WAC: variants seen among roughly 807,000 people sequenced by gnomAD.
WAC encodes the protein WW domain containing adaptor with coiled-coil.
WAC carries 11 observed loss-of-function variants against 79.6 expected under a neutral mutation model. The observed-to-expected ratio is 0.14, with a 90% CI of 0.09 to 0.23. The LOEUF is 0.23. Among genes scored for constraint, WAC ranks in the 10% least tolerant of loss-of-function variants. The pLI is 1.00. For missense variants in WAC, 728 were observed against 773.5 expected, an observed-to-expected ratio of 0.94 and a Z score of 0.70; for synonymous variants, 304 against 276.9, an observed-to-expected ratio of 1.10 and a Z score of -0.97.
chr10:28,560,377 T>TG (rs1262851821), intron 3 of WAC, among the ~76,000 whole-genome samples: 1 of 151,928 alleles, frequency 6.6e-6, no homozygotes, highest in Non-Finnish European at 1.5e-5. Flanking sequence ...GGAGTGTGTG[T>TG]GGGGGGCACG....
chr10:28,604,839 G>C (rs570648643), intron 7 of WAC, among the ~76,000 whole-genome samples: 8 of 152,086 alleles, frequency 5.3e-5, no homozygotes, highest in Non-Finnish European at 1.2e-4. Flanking sequence ...TTTGTGTAAG[G>C]GCACTCCAAA....
chr10:28,594,968 G>A lies in WAC; in HGVS notation c.611-765G>A, dbSNP rs1175620079. On this transcript the variant is annotated intron_variant, in intron 6 of 13. Coordinates refer to ENST00000354911, the MANE Select transcript of WAC (RefSeq NM_016628.5). ...ATTTTGAACTGTTTTCAGTATTTCT[G>A]AGCTTAAAGTATTTTTGTGGCTTTA... 2.0e-5 allele frequency among the ~76,000 whole-genome samples: 3 copies of A among 152,248 alleles called. No homozygotes were observed. In the East Asian group the frequency reaches 5.8e-4, roughly 29 times the overall value.
intron 3 of WAC, among the ~76,000 whole-genome samples, chr10:28,582,072 T>G (rs766405864): frequency 1.3e-5 from 2 of 152,222 alleles, no homozygotes; most frequent in African/African-American, 2.4e-5. Flanking sequence ...TAATTCTCTT[T>G]GATCTTTTGT....
Position 28,621,845 on chromosome 10 carries a change from GAGA to G in WAC, c.*2243_*2245del, listed in dbSNP as rs1841704090. ...AAATGAATTAGTCACATATATTTAG[GAGA>G]AGATGCCTAATTTGGTATTTCTTAA... On this transcript the variant is annotated 3_prime_UTR_variant, in exon 14 of 14. Transcript: ENST00000354911. 2 of 152,112 alleles carry G rather than the reference GAGA, an allele frequency of 1.3e-5. No individual in the cohort carries two copies. Among genetic ancestry groups the G allele is most frequent in the African/African-American group, 4.8e-5 (2 of 41,412 alleles). 9.4% of individuals were successfully genotyped at this position (152,112 alleles called of 1,614,324 possible).
At chr10:28,565,839 T>C (rs1353726252) in intron 3 of WAC, among the ~76,000 whole-genome samples, 2 of 152,254 alleles carry the variant, frequency 1.3e-5, no homozygotes, top group Non-Finnish European at 1.5e-5. Flanking sequence ...TTGTTTAATG[T>C]ATTTAAGGTA....
chr10:28,539,040 A>G (rs1017305284), intron 3 of WAC, among the ~76,000 whole-genome samples: 3 of 152,086 alleles, frequency 2.0e-5, no homozygotes, highest in Admixed American at 6.5e-5. Flanking sequence ...CCAGTTTTTC[A>G]TTTTAAGATT....
In WAC at chr10:28,556,646, G is replaced by A. The variant is rs550204773; in HGVS notation, c.274+20889G>A. Among the ~76,000 whole-genome samples the A allele has an allele frequency of 5.9e-5, 9 of 151,968 alleles. No individual in the cohort carries two copies. In the South Asian group the frequency reaches 1.9e-3, roughly 32 times the overall value. On this transcript the variant is annotated intron_variant, in intron 3 of 13. Transcript: ENST00000354911. ...AATTATTGCCAAGACCAAAGTCAAAGAGCTGTTTTGTCCCCTATGTTTTCT... is the reference window on the plus strand; with the variant it reads ...AATTATTGCCAAGACCAAAGTCAAAAAGCTGTTTTGTCCCCTATGTTTTCT...
At chr10:28,595,043 C>A (rs182187629) in intron 6 of WAC, among the ~76,000 whole-genome samples, 9 of 152,268 alleles carry the variant, frequency 5.9e-5, no homozygotes, top group Non-Finnish European at 1.2e-4. Context: ...GTAGATTGTT[C>A]TGACTATGCT....
chr10:28,605,082 G>T (rs960066890), intron 7 of WAC, among the ~76,000 whole-genome samples: 1 of 152,124 alleles, frequency 6.6e-6, no homozygotes. Flanking sequence ...TGAGAGAGTG[G>T]AGCAATAAAA....
intron 3 of WAC, among the ~76,000 whole-genome samples, chr10:28,561,603 G>A (rs1227083534): frequency 2.0e-5 from 3 of 151,974 alleles, no homozygotes; most frequent in Non-Finnish European, 4.4e-5. Flanking sequence ...AAGTTTTTTC[G>A]CTAGGTGGGA....
chr10:28,570,219 G>A (rs1393528330), intron 3 of WAC, among the ~76,000 whole-genome samples: 1 of 151,954 alleles, frequency 6.6e-6, no homozygotes, highest in Non-Finnish European at 1.5e-5. Context: ...ATTTTATTTT[G>A]TACAGATAAT....
chr10:28,533,521 G>T lies in WAC; in HGVS notation c.-59G>T, dbSNP rs918171069. 3.4e-6 allele frequency: 4 copies of T among 1,168,292 alleles called. No individual in the cohort carries two copies. Among genetic ancestry groups the T allele is most frequent in the South Asian group, 2.2e-5 (1 of 45,308 alleles). 72.4% of individuals were successfully genotyped at this position (1,168,292 alleles called of 1,614,324 possible). On this transcript the variant is annotated 5_prime_UTR_variant, in exon 1 of 14. Transcript: ENST00000354911. ...CGCCGCCGCCGCCGCCTGCGCGCCCGCCCGCCTTTCGCGGCCGCTCTCCCC... is the reference window on the plus strand; with the variant it reads ...CGCCGCCGCCGCCGCCTGCGCGCCCTCCCGCCTTTCGCGGCCGCTCTCCCC...
chr10:28,547,915 C>CTTTTTTTTTTTTTTTTTTTTTTTTTTTTT, intron 3 of WAC, among the ~76,000 whole-genome samples: 1 of 132,328 alleles, frequency 7.6e-6, no homozygotes, highest in Non-Finnish European at 1.6e-5. Flanking sequence ...TTCTCTTTTT[C>CTTTTTTTTTTTTTTTTTTTTTTTTTTTTT]TTTTTTTTTT....
At chr10:28,576,108 C>T (rs373307940) in intron 3 of WAC, among the ~76,000 whole-genome samples, 4 of 152,142 alleles carry the variant, frequency 2.6e-5, no homozygotes, top group African/African-American at 9.7e-5. Flanking sequence ...GTTTGCACAA[C>T]AAAATTGCTC....
chr10:28,540,799 C>T (rs1249728919), intron 3 of WAC, among the ~76,000 whole-genome samples: 2 of 151,942 alleles, frequency 1.3e-5, no homozygotes, highest in Non-Finnish European at 2.9e-5. Flanking sequence ...ATTTAGAAAA[C>T]ACAGGAAACA....
intron 3 of WAC, among the ~76,000 whole-genome samples, chr10:28,552,247 A>G (rs1564380353): frequency 6.6e-6 from 1 of 152,204 alleles, no homozygotes; most frequent in Non-Finnish European, 1.5e-5. Flanking sequence ...TTCTGACTTT[A>G]AAAAGCACTA....
intron 2 of WAC, among the ~76,000 whole-genome samples, chr10:28,534,592 C>CTGATG (rs1836513688): frequency 6.6e-6 from 1 of 152,188 alleles, no homozygotes; most frequent in Non-Finnish European, 1.5e-5. Flanking sequence ...GATAATCATT[C>CTGATG]TGATGTAGGT....
rs2132307745 is a variant in WAC, at chr10:28,535,632, G to C, written c.149G>C (p.Gly50Ala). 6.2e-7 allele frequency: 1 copy of C among 1,614,030 alleles called. No homozygotes were observed. The highest frequency in any genetic ancestry group is 1.1e-5 in the South Asian group (1 of 91,084). The change falls in exon 3 of 14, where the codon GGA becomes GCA. Residue 50 changes from glycine to alanine, a missense_variant. This residue lies in a region of WAC where 648 missense variants were observed against 661.5 expected (regional missense o/e 0.98). Coordinates refer to ENST00000354911, the MANE Select transcript of WAC (RefSeq NM_016628.5). Reference protein sequence around the residue: ...DHRHEKMRDAGDPSPPNKMLR... With the variant: ...DHRHEKMRDAADPSPPNKMLR... ...AGACATGAAAAGATGCGAGACGCCG[G>C]AGATCCTTCACCACCAAATAAAATG...
intron 8 of WAC, 127 bp from the exon 9 acceptor site, chr10:28,610,572 C>G: frequency 1.0e-6 from 1 of 972,448 alleles, no homozygotes; most frequent in Non-Finnish European, 1.4e-6. Flanking sequence ...ATCTAGTAGG[C>G]TTTTATTTTG....
Sources: gnomAD v4.1 joint callset for allele counts (sites outside exome capture counted in the v4.1 genomes callset) on GRCh38, gnomAD v4.1.1 for gene constraint, gnomAD v4.1.1 regional missense constraint, MANE v1.5 for transcripts, NCBI Gene and HGNC (gene_info 2026-07-23, HGNC 2026-07-21) for gene names.